Variants in TTC9C observed in about 807,000 individuals in gnomAD.
TTC9C encodes tetratricopeptide repeat protein 9C.
A neutral mutation model predicts 22.5 loss-of-function variants in TTC9C; 15 were observed. The ratio of observed to expected loss-of-function variants is 0.67; its 90% CI spans 0.45 to 1.03. TTC9C has a LOEUF of 1.03. TTC9C is among the 50% of genes least tolerant of loss of function. The pLI is 0.00. For synonymous variants in TTC9C, 92 were observed against 86.8 expected, an observed-to-expected ratio of 1.06 and a Z score of -0.33; for missense variants, 244 against 214.6, an observed-to-expected ratio of 1.14 and a Z score of -0.86.
chr11:62,738,207 A>T, intron 2 of TTC9C, 81 bp from the exon 3 acceptor site: 2 of 818,224 alleles, frequency 2.4e-6, no homozygotes, highest in Non-Finnish European at 2.0e-6. Context: ...GAGCATGTTA[A>T]CATTCTCTCC....
At chr11:62,729,999 G>A (rs899647082) in intron 1 of TTC9C, among the ~76,000 whole-genome samples, 28 of 152,190 alleles carry the variant, frequency 1.8e-4, no homozygotes, top group Admixed American at 1.8e-3. Flanking sequence ...TAATATTTGT[G>A]AAACACGTTC....
rs1328210925 is a variant in TTC9C, at chr11:62,729,058, C to A, written c.210C>A (p.Thr70=). ...TPEQENILHT[T]QTDCYNNLAA... ...AACAAGAAAACATATTGCATACCAC[C>A]CAGACAGACTGCTATAACAATCTAG... Residue 70 remains threonine (T), a synonymous_variant, in exon 1 of 3, where the codon ACC becomes ACA. Transcript: ENST00000316461. The A allele has an allele frequency of 5.0e-6, 8 of 1,614,132 alleles. No individual in the cohort carries two copies. The East Asian group carries it at 1.6e-4, about 31-fold the overall frequency.
chr11:62,738,078 A>ATAAT (rs1289479853), intron 2 of TTC9C, among the ~76,000 whole-genome samples: 1 of 149,544 alleles, frequency 6.7e-6, no homozygotes, highest in African/African-American at 2.5e-5. Flanking sequence ...AAATAAATAA[A>ATAAT]AATTAGCAGC....
At position 62,728,794 on chromosome 11, in the gene TTC9C, A is replaced by G. The variant is rs1471422768; in HGVS notation, c.-55A>G. On this transcript the variant is annotated 5_prime_UTR_variant, in exon 1 of 3. Coordinates refer to ENST00000316461, the MANE Select transcript of TTC9C (RefSeq NM_173810.4). ...TGTCAGTTATTTTGCTCCCAACCCC[A>G]GAGCTTCACTTGCTCCTTCACTTCC... 36 of 1,579,878 alleles carry G rather than the reference A, an allele frequency of 2.3e-5. No individual in the cohort carries two copies. In the East Asian group the frequency reaches 3.1e-4, roughly 14 times the overall value.
At position 62,735,360 on chromosome 11, in the gene TTC9C, CTCTT is replaced by C; in HGVS notation, c.239-20_239-17del. The C allele has an allele frequency of 6.2e-7, 1 of 1,611,828 alleles. No homozygotes were observed. The highest frequency in any genetic ancestry group is 1.7e-5 in the Admixed American group (1 of 59,908). ...GTAACGAGCCCCTCCTACCTCTTCTCTCTTTTCATTTGGCCCATTAGCTTGTCTC... is the reference window on the plus strand; with the variant it reads ...GTAACGAGCCCCTCCTACCTCTTCTCTTCATTTGGCCCATTAGCTTGTCTC... On this transcript the variant is annotated intron_variant, in intron 1 of 2. Coordinates refer to ENST00000316461, the MANE Select transcript of TTC9C (RefSeq NM_173810.4).
Position 62,729,095 on chromosome 11 carries a change from G to A in TTC9C, c.238+9G>A, listed in dbSNP as rs754380887. 5 of 1,609,836 alleles carry A rather than the reference G, an allele frequency of 3.1e-6. No homozygotes were observed. The East Asian group carries it at 6.7e-5, about 22-fold the overall frequency. ...CTATAACAATCTAGCTGGTAAGAACGGGGCTAAAGGGTGGCTAGAGAGCAT... is the reference window on the plus strand; with the variant it reads ...CTATAACAATCTAGCTGGTAAGAACAGGGCTAAAGGGTGGCTAGAGAGCAT... On this transcript the variant is annotated intron_variant, in intron 1 of 2. Coordinates refer to ENST00000316461, the MANE Select transcript of TTC9C (RefSeq NM_173810.4).
chr11:62,735,971 C>T (rs1333445594), intron 2 of TTC9C: 2 of 152,082 alleles, frequency 1.3e-5, no homozygotes, highest in South Asian at 4.1e-4. Context: ...GGTGGGGTGG[C>T]TCACATCTGT....
chr11:62,729,158 A>T, intron 1 of TTC9C, 72 bp downstream of exon 1: 1 of 1,401,724 alleles, frequency 7.1e-7, no homozygotes, highest in Non-Finnish European at 9.8e-7. Flanking sequence ...CATTGGGGGA[A>T]AAAACGCTGA....
chr11:62,735,414 G>C lies in TTC9C; in HGVS notation c.271G>C (p.Glu91Gln). The change falls in exon 2 of 3, where the codon GAA (glutamate) becomes CAA (glutamine). Residue 91 changes from glutamate to glutamine, a missense_variant. Transcript: ENST00000316461. ...CLLQMEPVNYERVREYSQKVL... is the reference protein window; with the variant it reads ...CLLQMEPVNYQRVREYSQKVL... ...CCTTCAGATGGAGCCCGTGAACTACGAACGAGTGAGAGAATATAGTCAGAA... is the reference window on the plus strand; with the variant it reads ...CCTTCAGATGGAGCCCGTGAACTACCAACGAGTGAGAGAATATAGTCAGAA... The C allele has an allele frequency of 6.2e-7, 1 of 1,614,048 alleles. No homozygotes were observed. The highest frequency in any genetic ancestry group is 1.1e-5 in the South Asian group (1 of 91,064).
chr11:62,734,532 G>C (rs565402425), intron 1 of TTC9C, among the ~76,000 whole-genome samples: 1 of 152,326 alleles, frequency 6.6e-6, no homozygotes, highest in East Asian at 1.9e-4. Context: ...AGTGAGCCAA[G>C]ATCATGCCAC....
intron 1 of TTC9C, among the ~76,000 whole-genome samples, chr11:62,731,910 C>T (rs1388003229): frequency 1.3e-5 from 2 of 149,056 alleles, no homozygotes; most frequent in Admixed American, 6.8e-5. Context: ...TGGTCTCCAT[C>T]TCCTGACCTA....
chr11:62,728,435 C>T (rs972362123), upstream of TTC9C: 3 of 456,022 alleles, frequency 6.6e-6, no homozygotes, highest in South Asian at 3.1e-5. Context: ...CCGCCCACTC[C>T]CTTCTACTTC....
chr11:62,736,244 CAG>C (rs930707117), intron 2 of TTC9C: 3 of 90,450 alleles, frequency 3.3e-5, no homozygotes, highest in South Asian at 3.7e-4. Context: ...AAAAAAAAAA[CAG>C]TGTTGTTTTT....
At chr11:62,733,056 A>C (rs887227430) in intron 1 of TTC9C, 1 of 1,016,748 alleles carries the variant, frequency 9.8e-7, no homozygotes, top group Non-Finnish European at 1.3e-6. Flanking sequence ...TGTGCTCATC[A>C]CTGCTGATTC....
intron 2 of TTC9C, 123 bp downstream of exon 2, chr11:62,735,687 T>C: frequency 7.1e-7 from 1 of 1,409,694 alleles, no homozygotes; most frequent in Non-Finnish European, 9.3e-7. Flanking sequence ...ATTCACATGG[T>C]TGAGAATTCG....
intron 2 of TTC9C, among the ~76,000 whole-genome samples, chr11:62,736,505 T>C (rs1317913465): frequency 6.6e-6 from 1 of 151,554 alleles, no homozygotes; most frequent in Admixed American, 6.6e-5. Flanking sequence ...CCATCCTGGC[T>C]AACATGGGGA....
chr11:62,728,348 T>C (rs1468078822), upstream of TTC9C: 3 of 361,366 alleles, frequency 8.3e-6, no homozygotes, highest in Non-Finnish European at 1.6e-5. Flanking sequence ...GTTTATTTAT[T>C]GACGTCAACA....
chr11:62,735,442 T>G lies in TTC9C; in HGVS notation c.299T>G (p.Val100Gly). Residue 100 changes from valine (V) to glycine (G), a missense_variant, in exon 2 of 3, where the codon GTC (valine) becomes GGC (glycine). Coordinates refer to ENST00000316461, the MANE Select transcript of TTC9C (RefSeq NM_173810.4). ...YERVREYSQK[V>G]LERQPDNAKA... is the part of the protein sequence containing the mutation. ...CGAGTGAGAGAATATAGTCAGAAAG[T>G]CCTGGAACGACAGCCTGATAATGCC... is the stretch of plus-strand genomic sequence containing the variant. The G allele has an allele frequency of 1.2e-6, 2 of 1,614,142 alleles. No homozygotes were observed. The highest frequency in any genetic ancestry group is 1.7e-6 in the Non-Finnish European group (2 of 1,180,016).
At chr11:62,735,141 G>A (rs1399658880) in intron 1 of TTC9C, among the ~76,000 whole-genome samples, 3 of 152,016 alleles carry the variant, frequency 2.0e-5, no homozygotes, top group African/African-American at 4.8e-5. Context: ...TGATCCACCC[G>A]TCTCGGCCTC....
Sources: gnomAD v4.1 joint callset for allele counts (sites outside exome capture counted in the v4.1 genomes callset) on GRCh38, gnomAD v4.1.1 for gene constraint, MANE v1.5 for transcripts, NCBI Gene and HGNC (gene_info 2026-07-23, HGNC 2026-07-21) for gene names.